CEP89: variants seen among roughly 807,000 people sequenced by gnomAD.
CEP89 encodes centrosomal protein 89.
In CEP89, 95 loss-of-function variants were observed where a neutral mutation model predicts 97.6. The observed-to-expected ratio is 0.97, with a 90% confidence interval of 0.82 to 1.15. CEP89 has a LOEUF of 1.15. CEP89 is among the 50% of genes most tolerant of loss of function. The pLI, the probability that CEP89 is intolerant of heterozygous loss-of-function variation, is 0.00. For missense variants in CEP89, 869 were observed against 947.7 expected (o/e 0.92, Z 1.09); for synonymous variants, 354 against 349.1 (o/e 1.01, Z -0.16).
chr19:32,923,458 C>A lies in CEP89; in HGVS notation c.1249G>T (p.Ala417Ser), dbSNP rs1970293182. ...ELHQELNKSS[A>S]VTSEEWRQLQ... Reference sequence around the variant, plus strand: ...ACTTGCCATTCCTCACTGGTAACAGCACTACTCTTATTTAACTCTTGGTGC... The same window carrying A: ...ACTTGCCATTCCTCACTGGTAACAGAACTACTCTTATTTAACTCTTGGTGC... Residue 417 changes from alanine (A) to serine (S), a missense_variant, in exon 12 of 19, where the codon GCT becomes TCT. By Grantham distance (99) the Ala-to-Ser change is moderately conservative (BLOSUM62 1). Transcript: ENST00000305768. The A allele has an allele frequency of 1.7e-5, 27 of 1,600,894 alleles. No individual in the cohort carries two copies. Among genetic ancestry groups the A allele is most frequent in the Non-Finnish European group, 2.3e-5 (27 of 1,168,604 alleles).
At position 32,899,991 on chromosome 19, in the gene CEP89, G is replaced by A; in HGVS notation, c.1741C>T (p.Gln581Ter). The A allele has an allele frequency of 6.2e-7, 1 of 1,613,940 alleles. No homozygotes were observed. The highest frequency in any genetic ancestry group is 8.5e-7 in the Non-Finnish European group (1 of 1,179,966). The stretch of plus-strand genomic sequence containing the variant: ...TTTTTGAGGACCTCAATTTTCTTTT[G>A]AGATTTCCTAGAGAGTTACCCCAAA... The part of the protein sequence containing the change: ...ERAQKINRKS[Q>*]KKIEVLKKQV... Residue 581 changes from glutamine (Q) to a stop codon, truncating the protein, a stop_gained, in exon 16 of 19, where the codon CAA becomes TAA. Coordinates refer to ENST00000305768, the MANE Select transcript of CEP89 (RefSeq NM_032816.5). LOFTEE classifies it high-confidence loss of function.
At chr19:32,892,691 A>C (rs1159624306) in intron 16 of CEP89, among the ~76,000 whole-genome samples, 2 of 151,812 alleles carry the variant, frequency 1.3e-5, no homozygotes, top group Admixed American at 6.6e-5. Context: ...AAAAAAAAAA[A>C]AAACCTGTCA....
intron 16 of CEP89, among the ~76,000 whole-genome samples, chr19:32,892,100 A>G (rs1019015748): frequency 6.8e-6 from 1 of 147,248 alleles, no homozygotes; most frequent in African/African-American, 2.5e-5. Flanking sequence ...AAATATATAT[A>G]TATATATTTA....
At chr19:32,893,462 A>G (rs1316776140) in intron 16 of CEP89, among the ~76,000 whole-genome samples, 1 of 152,224 alleles carries the variant, frequency 6.6e-6, no homozygotes, top group East Asian at 1.9e-4. Flanking sequence ...TACTCTCAGC[A>G]ATCAGATCAT....
At chr19:32,915,918 G>GAAA (rs67539579) in intron 13 of CEP89, among the ~76,000 whole-genome samples, 3 of 119,668 alleles carry the variant, frequency 2.5e-5, no homozygotes, top group African/African-American at 9.8e-5. Context: ...GACTCTCTCA[G>GAAA]AAAAAAAAAA....
Position 32,960,126 on chromosome 19 carries a change from C to G in CEP89, c.147-68G>C, listed in dbSNP as rs149479049. The G allele has an allele frequency of 2.1e-4, 325 of 1,543,636 alleles. No individual in the cohort carries two copies. In the African/African-American group the frequency reaches 4.1e-3, roughly 19 times the overall value. On this transcript the variant is annotated intron_variant, in intron 2 of 18. Transcript: ENST00000305768. ...TTCCAGGTGAATGCTGAACAAGGTA[C>G]ATAAACTCATCAAGGCTTACCTTCT...
rs770666809 is a variant in CEP89, at chr19:32,948,266, C to A, written c.595G>T (p.Asp199Tyr). ...PPAPQRTQQK[D>Y]GKHPVLNLKD... The stretch of plus-strand genomic sequence containing the variant: ...AAAAATTGTGGTTTTTTTTTTCTAC[C>A]TTTTTGTTGTGTCCGCTGTGGTGCA... The change falls in exon 5 of 19, where the codon GAT becomes TAT. Residue 199 changes from aspartate (D) to tyrosine (Y), a missense_variant and splice_region_variant. Transcript: ENST00000305768. 2.0e-6 allele frequency: 3 copies of A among 1,534,456 alleles called. No homozygotes were observed. The highest frequency in any genetic ancestry group is 1.8e-6 in the Non-Finnish European group (2 of 1,136,730).
intron 12 of CEP89, among the ~76,000 whole-genome samples, chr19:32,920,480 T>A (rs1169117784): frequency 6.6e-6 from 1 of 152,018 alleles, no homozygotes; most frequent in South Asian, 2.1e-4. Context: ...TTTTATTTAT[T>A]TATTTATTTA....
intron 3 of CEP89, among the ~76,000 whole-genome samples, chr19:32,955,458 T>C (rs971599587): frequency 9.2e-5 from 14 of 152,212 alleles, no homozygotes; most frequent in African/African-American, 3.4e-4. Flanking sequence ...AGATAACCCC[T>C]ACTGTATTTA....
At chr19:32,881,737 AAAATT>A in intron 18 of CEP89, 102 bp downstream of exon 18, 1 of 1,119,770 alleles carries the variant, frequency 8.9e-7, no homozygotes, top group South Asian at 1.7e-5. Context: ...ATGTAGAAAC[AAAATT>A]AAACAATGGA....
intron 14 of CEP89, among the ~76,000 whole-genome samples, chr19:32,914,614 C>G (rs1970080970): frequency 6.6e-6 from 1 of 151,892 alleles, no homozygotes; most frequent in Non-Finnish European, 1.5e-5. Context: ...AAAACTAACA[C>G]AGGCCAAAAC....
rs193267222 is a variant in CEP89 at position 32,944,317 on chromosome 19, C to T, written c.595+3949G>A. Among the ~76,000 whole-genome samples, 151 of 150,738 alleles carry T rather than the reference C, an allele frequency of 1.0e-3. 1 individual carries two copies. The highest frequency in any genetic ancestry group is 2.5e-3 in the Admixed American group (37 of 15,068). On this transcript the variant is annotated intron_variant, in intron 5 of 18. Transcript: ENST00000305768. ...TAGAAGCTGCGAAAGGAAACCTGGG[C>T]GCAGCACACAACGAATGATAGCAAA...
At chr19:32,942,505 A>G (rs1970708448) in intron 5 of CEP89, among the ~76,000 whole-genome samples, 1 of 152,232 alleles carries the variant, frequency 6.6e-6, no homozygotes, top group African/African-American at 2.4e-5. Context: ...AAAAGTTTTT[A>G]AGGGGCAATT....
At chr19:32,901,788 C>T (rs924489946) in intron 14 of CEP89, among the ~76,000 whole-genome samples, 1 of 152,068 alleles carries the variant, frequency 6.6e-6, no homozygotes, top group Non-Finnish European at 1.5e-5. Flanking sequence ...TGATACCTGG[C>T]TAATTTTTGT....
At chr19:32,899,783 T>G in intron 16 of CEP89, 74 bp downstream of exon 16, 1 of 1,456,666 alleles carries the variant, frequency 6.9e-7, no homozygotes, top group Non-Finnish European at 9.5e-7. Context: ...AATAGATCAT[T>G]TTTTAAAATA....
intron 7 of CEP89, among the ~76,000 whole-genome samples, chr19:32,934,304 C>T (rs1437496028): frequency 6.6e-6 from 1 of 152,142 alleles, no homozygotes; most frequent in Non-Finnish European, 1.5e-5. Context: ...GCAGCCTCTG[C>T]TGGGGAGACT....
chr19:32,939,024 A>G (rs1970633409), intron 6 of CEP89, among the ~76,000 whole-genome samples: 1 of 152,092 alleles, frequency 6.6e-6, no homozygotes, highest in Non-Finnish European at 1.5e-5. Context: ...AGGCAGGAGG[A>G]TCGCTTGAGC....
chr19:32,930,061 T>C (rs1464174920), intron 9 of CEP89, among the ~76,000 whole-genome samples: 1 of 150,096 alleles, frequency 6.7e-6, no homozygotes, highest in South Asian at 2.1e-4. Context: ...TCACTCTCTC[T>C]GTCACCCAGG....
chr19:32,904,694 C>T (rs1322623208), intron 14 of CEP89, among the ~76,000 whole-genome samples: 10 of 151,520 alleles, frequency 6.6e-5, no homozygotes, highest in African/African-American at 2.4e-4. Context: ...CAGGTTCAAG[C>T]GGTTCTCCTG....
Sources: allele counts gnomAD v4.1 joint callset (sites outside exome capture counted in the v4.1 genomes callset), GRCh38; gene constraint gnomAD v4.1.1; transcripts MANE v1.5; gene names NCBI Gene and HGNC (gene_info 2026-07-23, HGNC 2026-07-21).